Variants in ZDHHC13 observed in about 807,000 individuals in gnomAD.
ZDHHC13 encodes zDHHC palmitoyltransferase 13.
ZDHHC13 carries 85 observed loss-of-function variants against 86.0 expected under a neutral mutation model. The observed-to-expected ratio is 0.99, with a 90% CI of 0.83 to 1.18. The LOEUF (loss-of-function observed/expected upper bound fraction) is 1.18. Among genes scored for constraint, ZDHHC13 ranks in the 50% most tolerant of loss-of-function variants. The pLI is 0.00. For missense variants in ZDHHC13, 711 were observed against 730.2 expected (o/e 0.97, Z 0.30); for synonymous variants, 263 against 246.4 (o/e 1.07, Z -0.63).
At chr11:19,119,919 TCTCA>T (rs140016299) in intron 1 of ZDHHC13, among the ~76,000 whole-genome samples, 1 of 152,190 alleles carries the variant, frequency 6.6e-6, no homozygotes, top group African/African-American at 2.4e-5. Context: ...CATATTTCTC[TCTCA>T]CTCGCTCCTT....
At chr11:19,152,385 G>C (rs930702769) in intron 7 of ZDHHC13, 65 bp downstream of exon 7, 18 of 1,547,910 alleles carry the variant, frequency 1.2e-5, no homozygotes, top group Non-Finnish European at 1.6e-5. Context: ...ATAAATTAAC[G>C]TAAAGATAAG....
intron 12 of ZDHHC13, 50 bp from the exon 13 acceptor site, chr11:19,165,002 C>A (rs530972477): frequency 1.3e-6 from 2 of 1,532,376 alleles, no homozygotes; most frequent in East Asian, 2.3e-5. Flanking sequence ...GATTTGTTAC[C>A]ACTTTGAGAC....
chr11:19,153,488 C>T (rs1023758651), intron 8 of ZDHHC13, among the ~76,000 whole-genome samples: 1 of 152,160 alleles, frequency 6.6e-6, no homozygotes, highest in Non-Finnish European at 1.5e-5. Flanking sequence ...TGTAGAGGAT[C>T]ATCATGAATG....
At chr11:19,129,686 C>G (rs1641143103) in intron 1 of ZDHHC13, among the ~76,000 whole-genome samples, 1 of 152,004 alleles carries the variant, frequency 6.6e-6, no homozygotes, top group Admixed American at 6.5e-5. Flanking sequence ...ATTCACCTTA[C>G]TAATATTTTG....
intron 1 of ZDHHC13, among the ~76,000 whole-genome samples, chr11:19,119,670 C>T (rs1056838432): frequency 2.0e-5 from 3 of 152,232 alleles, no homozygotes; most frequent in African/African-American, 7.2e-5. Context: ...CAGCATTTAA[C>T]ACCATTTAAC....
At chr11:19,140,413 A>G (rs1386135622) in intron 1 of ZDHHC13, among the ~76,000 whole-genome samples, 1 of 152,204 alleles carries the variant, frequency 6.6e-6, no homozygotes, top group Non-Finnish European at 1.5e-5. Flanking sequence ...AAGTCAGGAA[A>G]CAACAGGTGC....
At position 19,172,753 on chromosome 11, in the gene ZDHHC13, A is replaced by G. The variant is rs763359878; in HGVS notation, c.1663A>G (p.Arg555Gly). 2.5e-6 allele frequency: 4 copies of G among 1,605,368 alleles called. No homozygotes were observed. The African/African-American group carries it at 4.0e-5, about 16-fold the overall frequency. The change falls in exon 16 of 17, where the codon AGA becomes GGA. Residue 555 changes from arginine to glycine, a missense_variant. Arg to Gly is a moderately radical substitution (Grantham distance 125). Coordinates refer to ENST00000446113, the MANE Select transcript of ZDHHC13 (RefSeq NM_019028.3). ...CTTTCTGGGCCTGACCTCCCATGAGAGAATCAGCCTGCAGAAGCAGAGCAA... is the reference window on the plus strand; with the variant it reads ...CTTTCTGGGCCTGACCTCCCATGAGGGAATCAGCCTGCAGAAGCAGAGCAA... ...IAFLGLTSHERISLQKQSKHM... is the reference protein window; with the variant it reads ...IAFLGLTSHEGISLQKQSKHM...
At position 19,176,148 on chromosome 11, in the gene ZDHHC13, T is replaced by C. The variant is rs1256935008; in HGVS notation, c.*188T>C. 12 of 464,338 alleles carry C rather than the reference T, an allele frequency of 2.6e-5. No individual in the cohort carries two copies. The South Asian group carries it at 8.0e-4, about 31-fold the overall frequency. 28.8% of individuals were successfully genotyped at this position (464,338 alleles called of 1,614,324 possible). A position where few individuals can be genotyped will look rare whatever the true frequency, so the allele number is the denominator to read the frequency against. The stretch of plus-strand genomic sequence containing the variant: ...TTTTTAGGTTTAGAAAGATGGACTT[T>C]TCTGATAAATCTTGGCAGACATCTA... On this transcript the variant is annotated 3_prime_UTR_variant, in exon 17 of 17. Transcript: ENST00000446113.
At chr11:19,164,143 T>A in intron 11 of ZDHHC13, 158 bp from the exon 12 acceptor site, 1 of 658,546 alleles carries the variant, frequency 1.5e-6, no homozygotes, top group Non-Finnish European at 2.4e-6. Context: ...CCTTGAAGAG[T>A]CACATCATTT....
chr11:19,128,905 C>A (rs1318534472), intron 1 of ZDHHC13, among the ~76,000 whole-genome samples: 2 of 152,180 alleles, frequency 1.3e-5, no homozygotes, highest in African/African-American at 4.8e-5. Flanking sequence ...TTGATCAGAG[C>A]AGTAGTTTAT....
intron 2 of ZDHHC13, among the ~76,000 whole-genome samples, chr11:19,144,432 A>AGAGTGTGTGTGTGTGTGTGTGTGTGT (rs377410572): frequency 2.1e-5 from 3 of 143,174 alleles, no homozygotes; most frequent in African/African-American, 7.7e-5. Flanking sequence ...AGAGCTATGG[A>AGAGTGTGTGTGTGTGTGTGTGTGTGT]GTGTGTGTGT....
At chr11:19,169,725 C>A (rs966805792) in intron 14 of ZDHHC13, 3 of 985,352 alleles carry the variant, frequency 3.0e-6, no homozygotes, top group South Asian at 9.4e-5. Flanking sequence ...CTGCTCCTAG[C>A]TACATGGGTT....
In ZDHHC13 at chr11:19,146,293, G is replaced by C; in HGVS notation, c.286G>C (p.Asp96His). 1.9e-6 allele frequency: 3 copies of C among 1,611,274 alleles called. No individual in the cohort carries two copies. Among genetic ancestry groups the C allele is most frequent in the Non-Finnish European group, 2.5e-6 (3 of 1,179,046 alleles). The change falls in exon 3 of 17, where the codon GAT becomes CAT. Residue 96 changes from aspartate (D) to histidine (H), a missense_variant. Physicochemically the swap from Asp to His is moderately conservative, Grantham distance 81 (BLOSUM62 -1). Coordinates refer to ENST00000446113, the MANE Select transcript of ZDHHC13 (RefSeq NM_019028.3). ...LHWAAINNRLDLVKFYISKGA... is the reference protein window; with the variant it reads ...LHWAAINNRLHLVKFYISKGA... ...TTGGGCTGCTATTAACAACAGACTG[G>C]ATCTTGTAAAGTAAGATGGGATATG...
intron 10 of ZDHHC13, among the ~76,000 whole-genome samples, 169 bp from the exon 11 acceptor site, chr11:19,163,134 G>C (rs138323453): frequency 3.3e-5 from 5 of 152,226 alleles, no homozygotes; most frequent in Middle Eastern, 3.4e-3. Context: ...TTAGCCAAGT[G>C]GGAACAAATT....
intron 13 of ZDHHC13, 117 bp downstream of exon 13, chr11:19,165,262 T>C (rs1308645496): frequency 2.3e-6 from 2 of 883,732 alleles, no homozygotes; most frequent in African/African-American, 1.7e-5. Flanking sequence ...AGTATTCCAA[T>C]AGCAATGGGC....
chr11:19,133,440 A>G (rs1259960706), intron 1 of ZDHHC13, among the ~76,000 whole-genome samples: 2 of 151,994 alleles, frequency 1.3e-5, no homozygotes, highest in African/African-American at 4.8e-5. Context: ...CATGTACAAG[A>G]ATACTCATAG....
At position 19,147,583 on chromosome 11, in the gene ZDHHC13, C is replaced by T; in HGVS notation, c.297-13C>T. 2 of 1,576,640 alleles carry T rather than the reference C, an allele frequency of 1.3e-6. No homozygotes were observed. The highest frequency in any genetic ancestry group is 8.6e-7 in the Non-Finnish European group (1 of 1,160,098). On this transcript the variant is annotated splice_polypyrimidine_tract_variant and intron_variant, in intron 3 of 16. Transcript: ENST00000446113. ...TTTCAAATCTTACTTTCATTTGTGT[C>T]TGCTTTTAACAGGTTTTATATTTCA...
intron 10 of ZDHHC13, among the ~76,000 whole-genome samples, 158 bp downstream of exon 10, chr11:19,159,198 T>C (rs1849840994): frequency 6.6e-6 from 1 of 152,192 alleles, no homozygotes; most frequent in Admixed American, 6.5e-5. Flanking sequence ...GTTGAAAATC[T>C]ACTTGATTCT....
chr11:19,171,144 A>G (rs913325439), intron 15 of ZDHHC13, among the ~76,000 whole-genome samples: 1 of 152,218 alleles, frequency 6.6e-6, no homozygotes, highest in Non-Finnish European at 1.5e-5. Flanking sequence ...ACCAGTGGTC[A>G]TAGTAATTAC....
Sources: gnomAD v4.1 joint callset for allele counts (sites outside exome capture counted in the v4.1 genomes callset) on GRCh38, gnomAD v4.1.1 for gene constraint, MANE v1.5 for transcripts, NCBI Gene and HGNC (gene_info 2026-07-23, HGNC 2026-07-21) for gene names.